Variants in DMD observed in about 807,000 individuals in gnomAD.
The protein encoded by DMD is mutant dystrophin.
Under a neutral mutation model 330.1 loss-of-function variants are expected in DMD, and 63 were observed. The observed-to-expected ratio is 0.19, with a 90% confidence interval of 0.16 to 0.24. The LOEUF (loss-of-function observed/expected upper bound fraction) is 0.24. Ranked by LOEUF, DMD falls within the 10% of genes least tolerant of loss-of-function variation. The probability of loss-of-function intolerance (pLI) is 1.00; values close to 1 mark genes in which losing one functional copy is unlikely to be tolerated. For synonymous variants in DMD, 1,223 were observed against 959.8 expected (o/e 1.27, Z -5.07); for missense variants, 3,344 against 2,684.1 (o/e 1.25, Z -5.43).
chrX:32,313,650 C>A (rs933258267), intron 41 of DMD, among the ~76,000 whole-genome samples: 1 of 111,537 alleles, frequency 9.0e-6, no homozygotes, highest in Non-Finnish European at 1.9e-5. Flanking sequence ...ATTTAGAAAA[C>A]CCCATCGTCT....
intron 60 of DMD, among the ~76,000 whole-genome samples, chrX:31,416,207 A>G (rs942577558): frequency 1.8e-5 from 2 of 112,017 alleles, no homozygotes; most frequent in Non-Finnish European, 3.8e-5. Flanking sequence ...AAAAAGGCCA[A>G]AACCCAGAGA....
At chrX:32,461,520 C>A (rs2098383262) in intron 25 of DMD, among the ~76,000 whole-genome samples, 1 of 111,316 alleles carries the variant, frequency 9.0e-6, no homozygotes, top group African/African-American at 3.3e-5. Flanking sequence ...AAATATATCT[C>A]TTGAACAACA....
At chrX:32,591,455 G>A (rs2054898208) in intron 13 of DMD, among the ~76,000 whole-genome samples, 1 of 112,106 alleles carries the variant, frequency 8.9e-6, no homozygotes, top group South Asian at 3.7e-4. Context: ...ATTAGAAACA[G>A]TTATCTCCCA....
chrX:32,688,798 T>C (rs763231316), intron 9 of DMD, among the ~76,000 whole-genome samples: 29 of 111,907 alleles, frequency 2.6e-4, no homozygotes, highest in Admixed American at 2.6e-3. Flanking sequence ...ACCATTAAAA[T>C]TCTTATTTAC....
At chrX:31,796,483 C>T (rs1274194187) in intron 50 of DMD, among the ~76,000 whole-genome samples, 1 of 111,892 alleles carries the variant, frequency 8.9e-6, no homozygotes, top group African/African-American at 3.3e-5. Flanking sequence ...ATCAATTTTA[C>T]ATATCCTGAG....
rs1465988169 is a variant in DMD at position 32,068,925 on chromosome X, C to T, written c.6439-100411G>A. Among the ~76,000 whole-genome samples the T allele has an allele frequency of 4.0e-4, 45 of 111,246 alleles. No individual in the cohort carries two copies. In the Admixed American group the frequency reaches 4.3e-3, roughly 11 times the overall value. On this transcript the variant is annotated intron_variant, in intron 44 of 78. Coordinates refer to ENST00000357033, the MANE Select transcript of DMD (RefSeq NM_004006.3). ...TAAATTCCGAATTGGAACATATTGA[C>T]CTGACAACTGGGTAGAATATTTGCA... is the stretch of plus-strand genomic sequence containing the variant.
intron 62 of DMD, among the ~76,000 whole-genome samples, chrX:31,289,265 ATAAAAAATAAAAT>A (rs1249339843): frequency 6.7e-5 from 6 of 89,076 alleles, no homozygotes; most frequent in African/African-American, 9.8e-5. Flanking sequence ...AAAAAAAAAA[ATAAAAAATAAAAT>A]AAAATCCATC....
intron 67 of DMD, among the ~76,000 whole-genome samples, chrX:31,193,793 A>G (rs2042616332): frequency 9.0e-6 from 1 of 111,314 alleles, no homozygotes; most frequent in Non-Finnish European, 1.9e-5. Context: ...TCTTTTGGCC[A>G]AAAAATGTTA....
At chrX:31,731,256 C>T (rs919353398) in intron 51 of DMD, among the ~76,000 whole-genome samples, 5 of 111,735 alleles carry the variant, frequency 4.5e-5, no homozygotes, top group African/African-American at 1.3e-4. Context: ...AAATATGGAA[C>T]AAATTGCCAA....
intron 1 of DMD, among the ~76,000 whole-genome samples, chrX:33,272,692 G>T (rs1049908563): frequency 9.4e-6 from 1 of 105,838 alleles, no homozygotes; most frequent in African/African-American, 3.5e-5. Context: ...ACACACACAA[G>T]AAAATGACGC....
At chrX:31,831,641 C>T (rs936910434) in intron 49 of DMD, among the ~76,000 whole-genome samples, 2 of 111,550 alleles carry the variant, frequency 1.8e-5, no homozygotes, top group Non-Finnish European at 3.8e-5. Flanking sequence ...CTCTGTCACC[C>T]AGGCTGGAGT....
At chrX:32,195,849 G>A (rs886885040) in intron 44 of DMD, among the ~76,000 whole-genome samples, 1 of 111,369 alleles carries the variant, frequency 9.0e-6, no homozygotes, top group Admixed American at 9.6e-5. Flanking sequence ...AGTTTGTCTC[G>A]TGTGGTCCTG....
At chrX:32,262,123 A>G (rs1480531825) in intron 43 of DMD, among the ~76,000 whole-genome samples, 4 of 111,733 alleles carry the variant, frequency 3.6e-5, no homozygotes, top group Non-Finnish European at 7.5e-5. Flanking sequence ...CATAATGTAG[A>G]CCCATAAACT....
At position 31,412,206 on chromosome X, in the gene DMD, A is replaced by AAAAAGAGAG. The variant is rs765872095; in HGVS notation, c.9084+32274_9084+32275insCTCTCTTTT. Reference sequence around the variant, plus strand: ...TGTCTCAAAAAAAAAAAAAAAAAAAAAGAGAGAGAGAGAGTTGATAGGATC... The same window carrying AAAAAGAGAG: ...TGTCTCAAAAAAAAAAAAAAAAAAAAAAAAGAGAGAGAGAGAGAGAGAGTTGATAGGATC... On this transcript the variant is annotated intron_variant, in intron 60 of 78. Transcript: ENST00000357033. Among the ~76,000 whole-genome samples the AAAAAGAGAG allele has an allele frequency of 2.4e-4, 23 of 94,176 alleles. 1 individual carries two copies. Among genetic ancestry groups the AAAAAGAGAG allele is most frequent in the East Asian group, 1.4e-3 (3 of 2,076 alleles). The allele number at this position is 94,176 out of a possible 115,157, so 81.8% of individuals were successfully genotyped here. A position where few individuals can be genotyped will look rare whatever the true frequency, so the allele number is the denominator to read the frequency against.
At chrX:33,318,949 C>A (rs1012184443) in intron 1 of DMD, among the ~76,000 whole-genome samples, 6 of 111,269 alleles carry the variant, frequency 5.4e-5, no homozygotes, top group Non-Finnish European at 1.1e-4. Flanking sequence ...GAAAGCTAAT[C>A]CCCAAGAGGT....
At chrX:32,613,534 T>C (rs757384262) in intron 12 of DMD, among the ~76,000 whole-genome samples, 1 of 110,821 alleles carries the variant, frequency 9.0e-6, no homozygotes, top group South Asian at 3.8e-4. Flanking sequence ...TTAAAAAATG[T>C]CATATTCTAT....
intron 55 of DMD, among the ~76,000 whole-genome samples, chrX:31,528,753 T>C (rs1454258592): frequency 8.9e-6 from 1 of 111,836 alleles, no homozygotes; most frequent in East Asian, 2.8e-4. Flanking sequence ...TCAAGGTCTC[T>C]ACTCTTAATC....
At chrX:32,641,846 A>C (rs2059484928) in intron 11 of DMD, among the ~76,000 whole-genome samples, 1 of 110,902 alleles carries the variant, frequency 9.0e-6, no homozygotes, top group African/African-American at 3.3e-5. Flanking sequence ...ATTTTTGTTT[A>C]CTAGTAATCT....
intron 60 of DMD, among the ~76,000 whole-genome samples, chrX:31,362,654 AC>A (rs1478886195): frequency 6.2e-5 from 7 of 113,144 alleles, no homozygotes; most frequent in Admixed American, 3.7e-4. Flanking sequence ...AAATAAAACA[AC>A]AGAGTAAGGC....
Sources: allele counts gnomAD v4.1 joint callset (sites outside exome capture counted in the v4.1 genomes callset), GRCh38; gene constraint gnomAD v4.1.1; transcripts MANE v1.5; gene names NCBI Gene and HGNC (gene_info 2026-07-23, HGNC 2026-07-21).